Variants in PYM1 observed in about 807,000 individuals in gnomAD.
PYM1 encodes partner of Y14 and mago.
PYM1 carries 7 observed loss-of-function variants against 20.7 expected under a neutral mutation model. The ratio of observed to expected loss-of-function variants is 0.34; its 90% CI spans 0.19 to 0.64. PYM1 has a LOEUF of 0.64. PYM1 is among the 30% of genes least tolerant of loss of function. The pLI, the probability that PYM1 is intolerant of heterozygous loss-of-function variation, is 0.74. For missense variants in PYM1, 194 were observed against 250.0 expected, an observed-to-expected ratio of 0.78 and a Z score of 1.51; for synonymous variants, 100 against 99.2, an observed-to-expected ratio of 1.01 and a Z score of -0.05.
At chr12:55,905,987 A>ATCTAATATATATATATATTATT (rs1565714584) in intron 1 of PYM1, among the ~76,000 whole-genome samples, 2 of 124,500 alleles carry the variant, frequency 1.6e-5, no homozygotes, top group Non-Finnish European at 3.1e-5. Context: ...TATTATATAT[A>ATCTAATATATATATATATTATT]ATATAAAATA....
intron 1 of PYM1, chr12:55,926,942 A>C (rs1883199757): frequency 1.1e-6 from 1 of 921,886 alleles, no homozygotes; most frequent in Non-Finnish European, 1.6e-6. Context: ...GTAGGAGAGA[A>C]TGAATGGGGA....
At position 55,902,312 on chromosome 12, in the gene PYM1, A is replaced by C. The variant is rs1396930378; in HGVS notation, c.175T>G (p.Leu59Val). ...GCCTCAGGGCTTAGCCCTGGGGGCA[A>C]CTCTGGTTTACTCTTGAAAAACTTC... ...YVKFFKSKPE[L>V]PPGLSPEATA... is the part of the protein sequence containing the mutation. Residue 59 changes from leucine to valine, a missense_variant, in exon 3 of 3, where the codon TTG (leucine) becomes GTG (valine). By Grantham distance (32) the Leu-to-Val change is conservative. Transcript: ENST00000408946. 6.2e-7 allele frequency: 1 copy of C among 1,612,428 alleles called. No individual in the cohort carries two copies. The highest frequency in any genetic ancestry group is 8.5e-7 in the Non-Finnish European group (1 of 1,179,280).
At chr12:55,915,988 C>T (rs1882999231) in intron 1 of PYM1, among the ~76,000 whole-genome samples, 2 of 152,154 alleles carry the variant, frequency 1.3e-5, no homozygotes, top group East Asian at 1.9e-4. Context: ...TAAATCTAAA[C>T]GATAGATAGA....
At chr12:55,910,624 A>G (rs1267745104) in intron 1 of PYM1, among the ~76,000 whole-genome samples, 1 of 152,076 alleles carries the variant, frequency 6.6e-6, no homozygotes, top group Non-Finnish European at 1.5e-5. Context: ...TTGTATTTTT[A>G]GTAGAGACAG....
chr12:55,927,448 C>G lies in PYM1; in HGVS notation c.37+277G>C, dbSNP rs577062885. On this transcript the variant is annotated intron_variant, in intron 1 of 2. Coordinates refer to ENST00000408946, the MANE Select transcript of PYM1 (RefSeq NM_032345.3). The stretch of plus-strand genomic sequence containing the variant: ...GCGAGGGAAAAGGGCGCAAGGCCCA[C>G]CTGCACCCAAAAAGGGGGCCTTATA... 29 of 697,230 alleles carry G rather than the reference C, an allele frequency of 4.2e-5. No homozygotes were observed. In the South Asian group the frequency reaches 4.3e-4, roughly 10 times the overall value. The allele number at this position is 697,230 out of a possible 1,614,324, so 43.2% of individuals were successfully genotyped here.
chr12:55,927,191 C>T, intron 1 of PYM1: 1 of 1,542,590 alleles, frequency 6.5e-7, no homozygotes, highest in Non-Finnish European at 8.8e-7. Context: ...CCGATCGTAG[C>T]AAGCCACCAT....
intron 1 of PYM1, among the ~76,000 whole-genome samples, chr12:55,922,321 C>G (rs935111015): frequency 2.0e-5 from 3 of 151,634 alleles, no homozygotes; most frequent in Admixed American, 6.6e-5. Context: ...ACGGTCAATA[C>G]TAACAGGCTG....
In PYM1 at chr12:55,927,749, C is replaced by A. The variant is rs1266637800; in HGVS notation, c.13G>T (p.Gly5Cys). The part of the protein sequence containing the change: MEAA[G>C]SPAATETGKY... ...CCTGTCTCCGTAGCCGCAGGGCTGCCGGCAGCTTCCATGGCCGAAGAGGCA... is the reference window on the plus strand; with the variant it reads ...CCTGTCTCCGTAGCCGCAGGGCTGCAGGCAGCTTCCATGGCCGAAGAGGCA... Residue 5 changes from glycine (G) to cysteine (C), a missense_variant, in exon 1 of 3, where the codon GGC (glycine) becomes TGC (cysteine). Transcript: ENST00000408946. The A allele has an allele frequency of 6.5e-7, 1 of 1,539,608 alleles. No homozygotes were observed. The highest frequency in any genetic ancestry group is 2.0e-5 in the Admixed American group (1 of 50,976).
At chr12:55,910,492 G>C (rs1245950234) in intron 1 of PYM1, among the ~76,000 whole-genome samples, 1 of 152,010 alleles carries the variant, frequency 6.6e-6, no homozygotes, top group Non-Finnish European at 1.5e-5. Flanking sequence ...GCCCAGGCTG[G>C]AGTGTAGTGG....
intron 1 of PYM1, among the ~76,000 whole-genome samples, chr12:55,909,807 C>T (rs775217930): frequency 8.9e-4 from 136 of 152,160 alleles, no homozygotes; most frequent in Admixed American, 1.4e-3. Flanking sequence ...TTTTAGTAAT[C>T]TCAATGTCCA....
chr12:55,917,337 T>C (rs1883024935), intron 1 of PYM1, among the ~76,000 whole-genome samples: 1 of 151,206 alleles, frequency 6.6e-6, no homozygotes, highest in South Asian at 2.1e-4. Context: ...AAGAGATCAC[T>C]TGAACCCAGG....
intron 1 of PYM1, among the ~76,000 whole-genome samples, chr12:55,916,852 T>A (rs1010209046): frequency 9.9e-5 from 15 of 152,026 alleles, no homozygotes; most frequent in African/African-American, 4.8e-5. Context: ...GGTTCATGCC[T>A]CTAATCCCAA....
At chr12:55,906,296 T>C (rs1266963389) in intron 1 of PYM1, among the ~76,000 whole-genome samples, 1 of 152,044 alleles carries the variant, frequency 6.6e-6, no homozygotes, top group East Asian at 1.9e-4. Flanking sequence ...AAAAAATATG[T>C]ATTCAAGGGC....
intron 1 of PYM1, among the ~76,000 whole-genome samples, chr12:55,919,797 G>C (rs1430298427): frequency 6.6e-6 from 1 of 152,002 alleles, no homozygotes; most frequent in African/African-American, 2.4e-5. Flanking sequence ...CTATTTGGGA[G>C]GCTGAGGCAG....
intron 1 of PYM1, among the ~76,000 whole-genome samples, chr12:55,905,764 TTTATA>T (rs1882787078): frequency 7.4e-6 from 1 of 134,634 alleles, no homozygotes; most frequent in Non-Finnish European, 1.6e-5. Flanking sequence ...GAAAATTTAT[TTTATA>T]TTATATATAT....
chr12:55,922,505 TACTC>T (rs1364553056), intron 1 of PYM1, among the ~76,000 whole-genome samples: 3 of 147,036 alleles, frequency 2.0e-5, no homozygotes, highest in Non-Finnish European at 3.0e-5. Context: ...TGGTCCTAGA[TACTC>T]AGGAGGCTGA....
intron 1 of PYM1, among the ~76,000 whole-genome samples, chr12:55,920,458 T>C (rs1031016989): frequency 6.6e-6 from 1 of 151,670 alleles, no homozygotes; most frequent in Non-Finnish European, 1.5e-5. Flanking sequence ...GACAACATGG[T>C]AAAACACCAT....
At position 55,903,367 on chromosome 12, in the gene PYM1, C is replaced by T. The variant is rs777864049; in HGVS notation, c.131+20G>A. On this transcript the variant is annotated intron_variant, in intron 2 of 2. Transcript: ENST00000408946. Reference sequence around the variant, plus strand: ...TAGGGACCCCATCAGAAAACCCCTACGCAAAGCCTAACCACGTACACTGGG... The same window carrying T: ...TAGGGACCCCATCAGAAAACCCCTATGCAAAGCCTAACCACGTACACTGGG... The T allele has an allele frequency of 1.4e-5, 22 of 1,611,038 alleles. No individual in the cohort carries two copies. The highest frequency in any genetic ancestry group is 2.7e-5 in the African/African-American group (2 of 74,828).
chr12:55,927,515 G>T (rs943809070), intron 1 of PYM1: 1 of 695,878 alleles, frequency 1.4e-6, no homozygotes, highest in Non-Finnish European at 2.4e-6. Flanking sequence ...CCTGCACCCA[G>T]ATCTCAGAGC....
Sources: allele counts gnomAD v4.1 joint callset (sites outside exome capture counted in the v4.1 genomes callset), GRCh38; gene constraint gnomAD v4.1.1; transcripts MANE v1.5; gene names NCBI Gene and HGNC (gene_info 2026-07-23, HGNC 2026-07-21).